The following KCNN3 variants were observed in gnomAD, a reference collection of about 807,000 sequenced individuals.
KCNN3 encodes the protein potassium calcium-activated channel subfamily N member 3.
KCNN3 carries 16 observed loss-of-function variants against 62.9 expected under a neutral mutation model. That is an observed-to-expected ratio of 0.25 (90% CI 0.17 to 0.39). The LOEUF (loss-of-function observed/expected upper bound fraction) is 0.39, where lower values mean the gene tolerates loss of function less well. KCNN3 is among the 10% of genes least tolerant of loss of function. KCNN3 has a pLI of 1.00. For synonymous variants in KCNN3, 370 were observed against 389.2 expected, an observed-to-expected ratio of 0.95 and a Z score of 0.58; for missense variants, 599 against 949.4, an observed-to-expected ratio of 0.63 and a Z score of 4.85.
rs527851322 is a variant in KCNN3 at position 154,792,276 on chromosome 1, C to T, written c.1030-19883G>A. ...TCCAACAACCATCCCAGATCCTCCT[C>T]CCTCTAATTGGGATCATATTAAATA... is the stretch of plus-strand genomic sequence containing the variant. On this transcript the variant is annotated intron_variant, in intron 2 of 7. Transcript: ENST00000271915. 5.3e-5 allele frequency among the ~76,000 whole-genome samples: 8 copies of T among 152,328 alleles called. No homozygotes were observed. In the South Asian group the frequency reaches 1.2e-3, roughly 24 times the overall value.
intron 3 of KCNN3, chr1:154,737,186 A>G (rs1700728838): frequency 1.2e-5 from 2 of 170,382 alleles, no homozygotes; most frequent in Admixed American, 6.6e-5. Flanking sequence ...ATCTTGTGCT[A>G]TTTTTTGCAA....
At chr1:154,733,334 C>T (rs1159331965) in intron 3 of KCNN3, among the ~76,000 whole-genome samples, 190 bp from the exon 4 acceptor site, 1 of 152,182 alleles carries the variant, frequency 6.6e-6, no homozygotes, top group East Asian at 1.9e-4. Flanking sequence ...CCACCTGCAG[C>T]CCCCCGTCCC....
intron 3 of KCNN3, among the ~76,000 whole-genome samples, chr1:154,752,670 T>A (rs201550327): frequency 4.4e-4 from 67 of 152,188 alleles, no homozygotes; most frequent in Middle Eastern, 3.4e-3. Context: ...CCTTATTTAT[T>A]AAAAAACAAT....
chr1:154,753,539 C>T (rs1380060892), intron 3 of KCNN3, among the ~76,000 whole-genome samples: 1 of 152,248 alleles, frequency 6.6e-6, no homozygotes, highest in Non-Finnish European at 1.5e-5. Flanking sequence ...CAGTGGAACA[C>T]ATACCCCAAA....
chr1:154,782,889 G>T (rs1363477546), intron 2 of KCNN3, among the ~76,000 whole-genome samples: 1 of 152,218 alleles, frequency 6.6e-6, no homozygotes, highest in Non-Finnish European at 1.5e-5. Context: ...CTATTTGGGG[G>T]CTGGCCAGTT....
chr1:154,785,426 C>T (rs1649235221), intron 2 of KCNN3, among the ~76,000 whole-genome samples: 1 of 152,158 alleles, frequency 6.6e-6, no homozygotes, highest in South Asian at 2.1e-4. Context: ...AAAGGCCCTT[C>T]ACCTCCTTCC....
chr1:154,784,463 C>T (rs1186145951), intron 2 of KCNN3, among the ~76,000 whole-genome samples: 2 of 152,216 alleles, frequency 1.3e-5, no homozygotes, highest in Non-Finnish European at 1.5e-5. Context: ...TACAAGCACT[C>T]CCTCTTCTCA....
At chr1:154,746,327 G>T (rs1164646702) in intron 3 of KCNN3, among the ~76,000 whole-genome samples, 1 of 152,204 alleles carries the variant, frequency 6.6e-6, no homozygotes, top group Non-Finnish European at 1.5e-5. Context: ...GCAGGTATGG[G>T]TTGGGATGAC....
At chr1:154,819,315 G>T (rs560419772) in intron 2 of KCNN3, among the ~76,000 whole-genome samples, 1 of 152,246 alleles carries the variant, frequency 6.6e-6, no homozygotes, top group African/African-American at 2.4e-5. Context: ...CTAAGTCAAG[G>T]TACGACCAGC....
chr1:154,744,937 AAAAAT>A (rs1264226756), intron 3 of KCNN3, among the ~76,000 whole-genome samples: 1 of 152,110 alleles, frequency 6.6e-6, no homozygotes, highest in African/African-American at 2.4e-5. Flanking sequence ...AAAAAAAAAA[AAAAAT>A]AGTTCGTTCT....
At chr1:154,752,557 T>C (rs1647428522) in intron 3 of KCNN3, among the ~76,000 whole-genome samples, 1 of 152,208 alleles carries the variant, frequency 6.6e-6, no homozygotes, top group Non-Finnish European at 1.5e-5. Flanking sequence ...CATTTCCTAA[T>C]TTCTAAAATG....
intron 1 of KCNN3, chr1:154,868,181 C>T (rs974196437): frequency 2.0e-6 from 2 of 985,380 alleles, no homozygotes; most frequent in African/African-American, 1.7e-5. Flanking sequence ...GCCTGGGAAG[C>T]CCTGTCATCC....
chr1:154,859,484 G>C (rs901179134), intron 1 of KCNN3, among the ~76,000 whole-genome samples: 2 of 152,224 alleles, frequency 1.3e-5, no homozygotes, highest in Admixed American at 6.5e-5. Flanking sequence ...CGGGGACACT[G>C]AGGCTCGGAG....
intron 3 of KCNN3, among the ~76,000 whole-genome samples, chr1:154,735,174 A>G (rs1181269361): frequency 6.6e-6 from 1 of 152,144 alleles, no homozygotes; most frequent in Admixed American, 6.5e-5. Flanking sequence ...AAGAGACAGG[A>G]CACAGAGGTG....
At chr1:154,745,589 C>G (rs1700921383) in intron 3 of KCNN3, among the ~76,000 whole-genome samples, 1 of 152,172 alleles carries the variant, frequency 6.6e-6, no homozygotes, top group African/African-American at 2.4e-5. Flanking sequence ...GTCTCTTGGT[C>G]TTGCTCAACT....
In KCNN3 at chr1:154,702,594, C is replaced by T. The variant is rs2101747710; in HGVS notation, c.*5382G>A. 1 of 150,072 alleles carries T rather than the reference C, an allele frequency of 6.7e-6. No individual in the cohort carries two copies. The highest frequency in any genetic ancestry group is 2.1e-4 in the South Asian group (1 of 4,746). 9.3% of individuals were successfully genotyped at this position (150,072 alleles called of 1,614,324 possible). ...CGTATCTGATGAAGGTGGATCAGTC[C>T]TGGTTGAGATTCAAAAACTGAGACA... On this transcript the variant is annotated 3_prime_UTR_variant, in exon 8 of 8. Transcript: ENST00000271915.
At chr1:154,766,442 A>ATATATATATATATATATATG (rs1451994145) in intron 3 of KCNN3, among the ~76,000 whole-genome samples, 1 of 132,402 alleles carries the variant, frequency 7.6e-6, no homozygotes, top group Non-Finnish European at 1.6e-5. Flanking sequence ...ATATATATAT[A>ATATATATATATATATATATG]TGTAGAAGTT....
chr1:154,828,528 A>G lies in KCNN3; in HGVS notation c.934-6344T>C, dbSNP rs1651238938. ...TTCCTTGTCTCTTTCTAAATAACAT[A>G]GGATTTGAAACCAAAAGGCCAGAGT... On this transcript the variant is annotated intron_variant, in intron 1 of 7. Transcript: ENST00000271915. Among the ~76,000 whole-genome samples the G allele has an allele frequency of 1.3e-5, 2 of 152,194 alleles. 1 individual carries two copies. The highest frequency in any genetic ancestry group is 4.1e-4 in the South Asian group (2 of 4,830).
At chr1:154,845,261 C>T (rs1652006896) in intron 1 of KCNN3, among the ~76,000 whole-genome samples, 1 of 152,200 alleles carries the variant, frequency 6.6e-6, no homozygotes, top group South Asian at 2.1e-4. Flanking sequence ...CAGATAAAAC[C>T]TATTTGCTGT....
Sources: gnomAD v4.1 joint callset for allele counts (sites outside exome capture counted in the v4.1 genomes callset) on GRCh38, gnomAD v4.1.1 for gene constraint, MANE v1.5 for transcripts, NCBI Gene and HGNC (gene_info 2026-07-23, HGNC 2026-07-21) for gene names.